Variants in SCN2A observed in about 807,000 individuals in gnomAD.
SCN2A encodes the protein sodium channel protein type 2 subunit alpha.
Under a neutral mutation model 188.7 loss-of-function variants are expected in SCN2A, and 20 were observed. The observed-to-expected ratio is 0.11, with a 90% CI of 0.07 to 0.15. SCN2A has a LOEUF of 0.15. SCN2A is among the 10% of genes least tolerant of loss of function. The pLI, the probability that SCN2A is intolerant of heterozygous loss-of-function variation, is 1.00. For synonymous variants in SCN2A, 804 were observed against 833.1 expected (o/e 0.97, Z 0.60); for missense variants, 1,278 against 2,445.0 (o/e 0.52, Z 10.07).
intron 1 of SCN2A, among the ~76,000 whole-genome samples, chr2:165,280,491 G>C (rs1574491414): frequency 6.6e-6 from 1 of 152,096 alleles, no homozygotes; most frequent in East Asian, 1.9e-4. Context: ...TCTTGCTTTA[G>C]ATAACTGTCT....
intron 1 of SCN2A, among the ~76,000 whole-genome samples, chr2:165,243,986 T>C (rs13424762): frequency 0.04 from 6,025 of 152,168 alleles, 315 homozygotes; most frequent in African/African-American, 0.12. Flanking sequence ...TGGCTCTTGC[T>C]TATAATCCAC....
chr2:165,388,534 C>T (rs1021091872), intron 26 of SCN2A, 95 bp from the exon 27 acceptor site: 4 of 1,529,650 alleles, frequency 2.6e-6, no homozygotes, highest in Non-Finnish European at 3.6e-6. Flanking sequence ...CCTAACTGTC[C>T]TGTTCACATT....
chr2:165,377,313 G>T (rs943618839), intron 22 of SCN2A, among the ~76,000 whole-genome samples: 1 of 151,872 alleles, frequency 6.6e-6, no homozygotes, highest in Non-Finnish European at 1.5e-5. Flanking sequence ...AAACACATCA[G>T]AGTCAAAGAT....
chr2:165,322,897 G>T (rs1698147173), intron 11 of SCN2A, among the ~76,000 whole-genome samples: 1 of 152,112 alleles, frequency 6.6e-6, no homozygotes, highest in African/African-American at 2.4e-5. Flanking sequence ...TTGAGGTGTG[G>T]GTAAAGTAGG....
intron 1 of SCN2A, among the ~76,000 whole-genome samples, chr2:165,292,069 A>G (rs901017290): frequency 6.6e-6 from 1 of 152,162 alleles, no homozygotes; most frequent in Non-Finnish European, 1.5e-5. Flanking sequence ...ACTTATCACT[A>G]TGAAAGTCAG....
chr2:165,296,886 T>C (rs994515653), intron 2 of SCN2A, 131 bp from the exon 3 acceptor site: 13 of 571,392 alleles, frequency 2.3e-5, no homozygotes, highest in Non-Finnish European at 2.5e-5. Flanking sequence ...CTTCATGTCA[T>C]ATGATGGTAA....
At chr2:165,247,327 T>C (rs79797981) in intron 1 of SCN2A, among the ~76,000 whole-genome samples, 4,533 of 152,284 alleles carry the variant, frequency 0.03, 218 homozygotes, top group African/African-American at 0.099. Flanking sequence ...TTAATGAAAG[T>C]GTTTGCTGTA....
At chr2:165,346,460 A>C (rs772607473) in intron 16 of SCN2A, among the ~76,000 whole-genome samples, 2 of 152,172 alleles carry the variant, frequency 1.3e-5, no homozygotes, top group Non-Finnish European at 2.9e-5. Context: ...TTAACTCAAC[A>C]TGGATTAAAG....
intron 1 of SCN2A, among the ~76,000 whole-genome samples, chr2:165,248,636 C>G (rs1311933046): frequency 6.6e-6 from 1 of 151,562 alleles, no homozygotes; most frequent in African/African-American, 2.4e-5. Context: ...TTTTCCTTTT[C>G]TTTCCTTTCT....
At chr2:165,307,785 G>A (rs1697215988) in intron 3 of SCN2A, 63 bp from the exon 4 acceptor site, 4 of 1,003,494 alleles carry the variant, frequency 4.0e-6, no homozygotes, top group South Asian at 3.8e-5. Context: ...GGTGGTGAAG[G>A]CATGGTAGTG....
At chr2:165,350,157 A>G (rs1281587477) in intron 16 of SCN2A, among the ~76,000 whole-genome samples, 1 of 152,220 alleles carries the variant, frequency 6.6e-6, no homozygotes, top group Non-Finnish European at 1.5e-5. Context: ...ACTTTCTGAA[A>G]ACTGATAGTT....
rs754966737 is a variant in SCN2A at position 165,265,469 on chromosome 2, A to ATC, written c.-52+25831_-52+25832dup. Among the ~76,000 whole-genome samples, 149 of 65,246 alleles carry ATC rather than the reference A, an allele frequency of 2.3e-3. 1 individual carries two copies. The highest frequency in any genetic ancestry group is 9.0e-3 in the African/African-American group (141 of 15,708). 42.8% of individuals were successfully genotyped at this position (65,246 alleles called of 152,430 possible). A position where few individuals can be genotyped will look rare whatever the true frequency, so the allele number is the denominator to read the frequency against. ...TCTAGGTTATGTGTTTACTCTGTTG[A>ATC]TCTATATATATATATATATATATAT... On this transcript the variant is annotated intron_variant, in intron 1 of 26. Coordinates refer to ENST00000375437, the MANE Select transcript of SCN2A (RefSeq NM_001040142.2).
intron 1 of SCN2A, chr2:165,267,314 A>G (rs1180706074): frequency 6.6e-6 from 1 of 152,066 alleles, no homozygotes; most frequent in Non-Finnish European, 1.5e-5. Context: ...CAAATGGAAC[A>G]GAACCAAAAG....
Position 165,389,324 on chromosome 2 carries a change from A to G in SCN2A, c.5518A>G (p.Ile1840Val). ...AGCAAAACCCAACAAAGTCCAGCTC[A>G]TTGCCATGGATCTGCCCATGGTGAG... ...LIAKPNKVQL[I>V]AMDLPMVSGD... is the part of the protein sequence containing the mutation. The change falls in exon 27 of 27, where the codon ATT becomes GTT. Residue 1840 changes from isoleucine (I) to valine (V), a missense_variant. Coordinates refer to ENST00000375437, the MANE Select transcript of SCN2A (RefSeq NM_001040142.2). The surrounding 1 kb of genome is among the most constrained non-coding windows in gnomAD (Gnocchi z 4.2). 1 of 1,614,054 alleles carries G rather than the reference A, an allele frequency of 6.2e-7. No homozygotes were observed. Among genetic ancestry groups the G allele is most frequent in the Non-Finnish European group, 8.5e-7 (1 of 1,179,990 alleles).
chr2:165,307,294 T>C (rs1001589748), intron 3 of SCN2A, among the ~76,000 whole-genome samples: 1 of 152,172 alleles, frequency 6.6e-6, no homozygotes, highest in Non-Finnish European at 1.5e-5. Context: ...TAAGTAATTT[T>C]GCCTTAGTTA....
At chr2:165,312,728 A>T (rs1697507908) in intron 8 of SCN2A, among the ~76,000 whole-genome samples, 1 of 152,146 alleles carries the variant, frequency 6.6e-6, no homozygotes, top group Admixed American at 6.6e-5. Context: ...CTATTAAGAA[A>T]CATGGAGCTA....
Position 165,367,208 on chromosome 2 carries a change from A to C in SCN2A, c.3521-9A>C. 2.5e-6 allele frequency: 4 copies of C among 1,614,008 alleles called. No individual in the cohort carries two copies. Among genetic ancestry groups the C allele is most frequent in the African/African-American group, 1.3e-5 (1 of 75,048 alleles). On this transcript the variant is annotated splice_polypyrimidine_tract_variant and intron_variant, in intron 18 of 26. Transcript: ENST00000375437. ...TTTTTTGTCTTCATTTTTTTCCCAC[A>C]TATTTTAGACTGTGTACGGAAGTTC...
At chr2:165,265,018 A>G (rs1694777633) in intron 1 of SCN2A, among the ~76,000 whole-genome samples, 1 of 152,012 alleles carries the variant, frequency 6.6e-6, no homozygotes, top group Non-Finnish European at 1.5e-5. Flanking sequence ...ATGGCATTTC[A>G]GTCTTTAGTT....
At chr2:165,339,145 C>G (rs1056347831) in intron 14 of SCN2A, among the ~76,000 whole-genome samples, 1 of 151,612 alleles carries the variant, frequency 6.6e-6, no homozygotes, top group African/African-American at 2.4e-5. Context: ...TGCTTGAACC[C>G]GGGAGGCGGA....
Sources: gnomAD v4.1 joint callset for allele counts (sites outside exome capture counted in the v4.1 genomes callset) on GRCh38, gnomAD v4.1.1 for gene constraint, Gnocchi (gnomAD v3.1) non-coding constraint, MANE v1.5 for transcripts, NCBI Gene and HGNC (gene_info 2026-07-23, HGNC 2026-07-21) for gene names.